PITPNB: variants seen among roughly 807,000 people sequenced by gnomAD.
PITPNB encodes the protein phosphatidylinositol transfer protein beta, also known as phosphatidylinositol transfer protein beta isoform.
In PITPNB, 16 loss-of-function variants were observed where a neutral mutation model predicts 45.9. The observed-to-expected ratio is 0.35, with a 90% CI of 0.24 to 0.53. The LOEUF (loss-of-function observed/expected upper bound fraction) is 0.53, where lower values mean the gene tolerates loss of function less well. Ranked by LOEUF, PITPNB falls within the 20% of genes least tolerant of loss-of-function variation. The pLI is 0.93. For missense variants in PITPNB, 188 were observed against 330.5 expected (o/e 0.57, Z 3.34); for synonymous variants, 112 against 108.9 (o/e 1.03, Z -0.18).
intron 8 of PITPNB, among the ~76,000 whole-genome samples, chr22:27,861,687 C>T (rs898854950): frequency 2.6e-5 from 4 of 152,092 alleles, no homozygotes; most frequent in African/African-American, 9.7e-5. Flanking sequence ...CAAGTATGGT[C>T]TGGGGAAAAG....
chr22:27,913,003 A>AGG (rs1935974895), intron 2 of PITPNB, among the ~76,000 whole-genome samples: 2 of 138,224 alleles, frequency 1.4e-5, no homozygotes, highest in Non-Finnish European at 3.2e-5. Flanking sequence ...AAAAAAAAAA[A>AGG]GGTGGGGGGG....
chr22:27,887,940 T>C (rs1364817140), intron 7 of PITPNB, among the ~76,000 whole-genome samples: 1 of 152,150 alleles, frequency 6.6e-6, no homozygotes, highest in African/African-American at 2.4e-5. Context: ...ACAGAAACCA[T>C]ACAGTTGGTG....
chr22:27,881,999 A>G (rs905765566), intron 7 of PITPNB, among the ~76,000 whole-genome samples: 14 of 152,096 alleles, frequency 9.2e-5, no homozygotes, highest in Non-Finnish European at 1.8e-4. Flanking sequence ...GACGAAGTTT[A>G]GTAAAGCATG....
intron 3 of PITPNB, among the ~76,000 whole-genome samples, chr22:27,907,810 T>C (rs1459294761): frequency 6.6e-6 from 1 of 152,170 alleles, no homozygotes; most frequent in Admixed American, 6.5e-5. Context: ...TTATTAGCTG[T>C]GACCTTGGGT....
intron 10 of PITPNB, among the ~76,000 whole-genome samples, chr22:27,855,695 C>T (rs1253281754): frequency 1.3e-5 from 2 of 152,226 alleles, no homozygotes; most frequent in Non-Finnish European, 2.9e-5. Context: ...TGAGCCTCAA[C>T]TCCAGGGCAG....
At chr22:27,894,853 G>C (rs1047824382) in intron 6 of PITPNB, among the ~76,000 whole-genome samples, 4 of 152,166 alleles carry the variant, frequency 2.6e-5, no homozygotes, top group Non-Finnish European at 4.4e-5. Context: ...GAGAGAATGA[G>C]GATGCTGCCA....
intron 3 of PITPNB, among the ~76,000 whole-genome samples, chr22:27,909,684 T>C (rs943225634): frequency 5.9e-5 from 9 of 152,172 alleles, no homozygotes; most frequent in African/African-American, 2.2e-4. Flanking sequence ...ATTTAAAAGG[T>C]GCATGTCCTC....
chr22:27,887,524 C>G (rs1935155543), intron 7 of PITPNB, among the ~76,000 whole-genome samples: 1 of 152,098 alleles, frequency 6.6e-6, no homozygotes, highest in African/African-American at 2.4e-5. Context: ...CTCAGCAAAT[C>G]TAGGAAGGAG....
chr22:27,861,023 G>GGA (rs1330164112), intron 8 of PITPNB, among the ~76,000 whole-genome samples: 2 of 86,946 alleles, frequency 2.3e-5, no homozygotes, highest in African/African-American at 4.5e-5. Flanking sequence ...CCCCATTTCT[G>GGA]GAAAAAAAAA....
In PITPNB at chr22:27,899,074, TTC is replaced by T. The variant is rs561703288; in HGVS notation, c.198-1184_198-1183del. 9.8e-5 allele frequency among the ~76,000 whole-genome samples: 15 copies of T among 152,350 alleles called. No individual in the cohort carries two copies. In the South Asian group the frequency reaches 3.1e-3, roughly 32 times the overall value. Reference sequence around the variant, plus strand: ...TGTGACCTTAGGCCTGCTACTTGGCTTCTCTGAAATTCCTCATGTGTTGAATG... The same window carrying T: ...TGTGACCTTAGGCCTGCTACTTGGCTTCTGAAATTCCTCATGTGTTGAATG... On this transcript the variant is annotated intron_variant, in intron 3 of 11. Coordinates refer to ENST00000335272, the MANE Select transcript of PITPNB (RefSeq NM_012399.5).
intron 4 of PITPNB, among the ~76,000 whole-genome samples, 178 bp from the exon 5 acceptor site, chr22:27,897,315 C>T (rs1601415784): frequency 6.6e-6 from 1 of 152,106 alleles, no homozygotes; most frequent in South Asian, 2.1e-4. Context: ...CTATACAGTA[C>T]ATTAGATTAT....
intron 3 of PITPNB, among the ~76,000 whole-genome samples, chr22:27,909,153 T>C (rs1187492283): frequency 6.6e-6 from 1 of 150,932 alleles, no homozygotes; most frequent in South Asian, 2.1e-4. Flanking sequence ...AATGACAAAA[T>C]GGACTCTTAA....
intron 9 of PITPNB, among the ~76,000 whole-genome samples, chr22:27,859,741 AGG>A (rs1465148137): frequency 6.6e-6 from 1 of 152,162 alleles, no homozygotes; most frequent in Admixed American, 6.5e-5. Context: ...TATGGAGGGT[AGG>A]GGGAAGGGTC....
chr22:27,908,175 T>C (rs1935818330), intron 3 of PITPNB, among the ~76,000 whole-genome samples: 1 of 151,196 alleles, frequency 6.6e-6, no homozygotes, highest in Non-Finnish European at 1.5e-5. Flanking sequence ...AAAAATCATA[T>C]TTAACATTCC....
At chr22:27,883,845 G>T (rs768854689) in intron 7 of PITPNB, among the ~76,000 whole-genome samples, 2 of 152,180 alleles carry the variant, frequency 1.3e-5, no homozygotes, top group South Asian at 4.1e-4. Flanking sequence ...GTCTCCAAAG[G>T]AGACCAAACT....
intron 8 of PITPNB, among the ~76,000 whole-genome samples, chr22:27,869,911 A>G (rs1009192484): frequency 2.0e-5 from 3 of 152,158 alleles, no homozygotes; most frequent in African/African-American, 7.2e-5. Context: ...GATCTCCCTT[A>G]GTGCCTCCGA....
At chr22:27,916,807 A>C (rs1449931265) in intron 1 of PITPNB, among the ~76,000 whole-genome samples, 22 of 152,188 alleles carry the variant, frequency 1.4e-4, no homozygotes, top group Non-Finnish European at 1.5e-5. Flanking sequence ...TCAAAAAAAA[A>C]ACATAAAAAT....
chr22:27,881,396 C>A (rs1285100513), intron 7 of PITPNB, among the ~76,000 whole-genome samples: 1 of 152,144 alleles, frequency 6.6e-6, no homozygotes, highest in Non-Finnish European at 1.5e-5. Flanking sequence ...ATTATGCACA[C>A]ATAATAAAGA....
chr22:27,875,630 G>A (rs1402442282), intron 7 of PITPNB, among the ~76,000 whole-genome samples: 1 of 151,638 alleles, frequency 6.6e-6, no homozygotes, highest in East Asian at 1.9e-4. Flanking sequence ...CTAAAAGCAA[G>A]CTCATTTTCT....
Sources: allele counts gnomAD v4.1 joint callset (sites outside exome capture counted in the v4.1 genomes callset), GRCh38; gene constraint gnomAD v4.1.1; transcripts MANE v1.5; gene names NCBI Gene and HGNC (gene_info 2026-07-23, HGNC 2026-07-21).